The following CHRM2 variants were observed in gnomAD, a reference collection of about 807,000 sequenced individuals.
The protein encoded by CHRM2 is muscarinic acetylcholine receptor M2.
In CHRM2, 8 loss-of-function variants were observed where a neutral mutation model predicts 25.0. That is an observed-to-expected ratio of 0.32 (90% CI 0.19 to 0.58). The LOEUF (loss-of-function observed/expected upper bound fraction) is 0.58. Ranked by LOEUF, CHRM2 falls within the 20% of genes least tolerant of loss-of-function variation. The pLI, the probability that CHRM2 is intolerant of heterozygous loss-of-function variation, is 0.88. For missense variants in CHRM2, 440 were observed against 567.1 expected, an observed-to-expected ratio of 0.78 and a Z score of 2.28; for synonymous variants, 202 against 205.7, an observed-to-expected ratio of 0.98 and a Z score of 0.15.
chr7:136,965,079 A>G (rs1326303063), intron 2 of CHRM2, among the ~76,000 whole-genome samples: 1 of 152,172 alleles, frequency 6.6e-6, no homozygotes, highest in Non-Finnish European at 1.5e-5. Context: ...ATAAAAGTCT[A>G]GATATCTATG....
At chr7:136,989,897 C>T (rs549740655) in intron 2 of CHRM2, among the ~76,000 whole-genome samples, 10 of 152,202 alleles carry the variant, frequency 6.6e-5, no homozygotes, top group South Asian at 2.1e-4. Context: ...AGAGCGCATA[C>T]GTTTTCAACA....
intron 2 of CHRM2, among the ~76,000 whole-genome samples, chr7:136,974,896 G>T (rs1802015306): frequency 6.6e-6 from 1 of 152,126 alleles, no homozygotes; most frequent in Non-Finnish European, 1.5e-5. Context: ...GAACTGATGA[G>T]AACTGATAAC....
intron 2 of CHRM2, among the ~76,000 whole-genome samples, chr7:136,893,360 C>A (rs1169416277): frequency 6.6e-6 from 1 of 152,128 alleles, no homozygotes; most frequent in African/African-American, 2.4e-5. Context: ...TGGAAAGACT[C>A]GCTAGAACAG....
chr7:136,883,161 T>G (rs751191938), intron 2 of CHRM2, among the ~76,000 whole-genome samples: 26 of 152,218 alleles, frequency 1.7e-4, no homozygotes, highest in Non-Finnish European at 2.9e-4. Context: ...GCCTTAACAG[T>G]TACAGTGGAC....
intron 2 of CHRM2, among the ~76,000 whole-genome samples, chr7:136,988,346 A>G (rs1218077589): frequency 1.3e-5 from 2 of 152,090 alleles, no homozygotes; most frequent in African/African-American, 4.8e-5. Flanking sequence ...GACAGAAAAT[A>G]CCATGTAATC....
At position 136,873,721 on chromosome 7, in the gene CHRM2, G is replaced by C. The variant is rs770233343; in HGVS notation, c.-125+4303G>C. 2.0e-5 allele frequency among the ~76,000 whole-genome samples: 3 copies of C among 152,138 alleles called. No homozygotes were observed. In the South Asian group the frequency reaches 6.2e-4, roughly 32 times the overall value. ...TAGTTGTGGCACTTGTTTTCCCTGT[G>C]TTTGGGGAAAACAAAACCATGGCAT... is the stretch of plus-strand genomic sequence containing the variant. On this transcript the variant is annotated intron_variant, in intron 2 of 3. Transcript: ENST00000680005.
chr7:136,906,107 A>G (rs1797525580), intron 2 of CHRM2, among the ~76,000 whole-genome samples: 1 of 150,846 alleles, frequency 6.6e-6, no homozygotes, highest in Non-Finnish European at 1.5e-5. Flanking sequence ...ATGTATGTAT[A>G]TATGTGTGTG....
intron 2 of CHRM2, among the ~76,000 whole-genome samples, chr7:136,928,070 G>T (rs17412549): frequency 1.3e-5 from 2 of 151,928 alleles, no homozygotes; most frequent in South Asian, 2.1e-4. Context: ...AGAATTTTGC[G>T]CAGAGTGGAT....
chr7:137,000,189 T>A (rs1191146098), intron 3 of CHRM2, among the ~76,000 whole-genome samples: 1 of 128,024 alleles, frequency 7.8e-6, no homozygotes, highest in African/African-American at 2.9e-5. Flanking sequence ...TAATTCTTTT[T>A]CTTTCTTTTT....
intron 2 of CHRM2, among the ~76,000 whole-genome samples, chr7:136,990,798 A>G (rs144936444): frequency 1.2e-3 from 182 of 152,216 alleles, no homozygotes; most frequent in African/African-American, 4.2e-3. Context: ...AAACCACTGA[A>G]TTATCTTCCA....
chr7:136,977,760 C>T (rs1802200265), intron 2 of CHRM2, among the ~76,000 whole-genome samples: 1 of 152,164 alleles, frequency 6.6e-6, no homozygotes, highest in Admixed American at 6.6e-5. Context: ...ACTTGTCAAT[C>T]ATTTTTCTTG....
intron 2 of CHRM2, among the ~76,000 whole-genome samples, chr7:136,974,441 T>C (rs766607629): frequency 3.3e-5 from 5 of 152,114 alleles, no homozygotes; most frequent in Non-Finnish European, 7.4e-5. Flanking sequence ...GGAAATAGCA[T>C]CTAAGTTTCA....
At chr7:136,922,646 T>C (rs1421000562) in intron 2 of CHRM2, among the ~76,000 whole-genome samples, 1 of 152,132 alleles carries the variant, frequency 6.6e-6, no homozygotes, top group Non-Finnish European at 1.5e-5. Context: ...CGCCTGTGAC[T>C]CTCTCAAATT....
rs1473121862 is a variant in CHRM2, at chr7:137,018,232, G to C, written c.*1966G>C. ...AAAAAACCAAAAAACTTATAAGTTA[G>C]TAAGAAGCAAATTGCCAGCAGTATT... On this transcript the variant is annotated 3_prime_UTR_variant, in exon 4 of 4. Coordinates refer to ENST00000680005, the MANE Select transcript of CHRM2 (RefSeq NM_001006630.2). 2 of 151,554 alleles carry C rather than the reference G, an allele frequency of 1.3e-5. No homozygotes were observed. Among genetic ancestry groups the C allele is most frequent in the African/African-American group, 2.4e-5 (1 of 41,330 alleles). 9.4% of individuals were successfully genotyped at this position (151,554 alleles called of 1,614,324 possible).
At chr7:136,952,506 C>T (rs1177099925) in intron 2 of CHRM2, among the ~76,000 whole-genome samples, 1 of 152,148 alleles carries the variant, frequency 6.6e-6, no homozygotes, top group East Asian at 1.9e-4. Context: ...CTGACTTCTA[C>T]ACTGCTGTTC....
At chr7:136,891,897 T>C (rs1563048829) in intron 2 of CHRM2, among the ~76,000 whole-genome samples, 1 of 152,228 alleles carries the variant, frequency 6.6e-6, no homozygotes, top group Admixed American at 6.5e-5. Flanking sequence ...GGCTTTGATT[T>C]AGGAGCCATC....
At chr7:137,005,923 G>C (rs748923690) in intron 3 of CHRM2, among the ~76,000 whole-genome samples, 23 of 152,116 alleles carry the variant, frequency 1.5e-4, no homozygotes, top group Non-Finnish European at 2.2e-4. Flanking sequence ...GACGGTAAGA[G>C]AGACAGATTG....
intron 3 of CHRM2, among the ~76,000 whole-genome samples, chr7:136,996,086 T>C (rs966900501): frequency 6.6e-6 from 1 of 151,896 alleles, no homozygotes; most frequent in Non-Finnish European, 1.5e-5. Context: ...GTAAACTGCC[T>C]GATAAATGTT....
At chr7:136,980,687 T>C (rs948262822) in intron 2 of CHRM2, among the ~76,000 whole-genome samples, 27 of 152,246 alleles carry the variant, frequency 1.8e-4, no homozygotes, top group Non-Finnish European at 2.8e-4. Flanking sequence ...CTTTTCTGCA[T>C]CTATTGAGAT....
Sources: allele counts gnomAD v4.1 joint callset (sites outside exome capture counted in the v4.1 genomes callset), GRCh38; gene constraint gnomAD v4.1.1; transcripts MANE v1.5; gene names NCBI Gene and HGNC (gene_info 2026-07-23, HGNC 2026-07-21).